MRS2: variants seen among roughly 807,000 people sequenced by gnomAD.
MRS2 encodes magnesium transporter MRS2 homolog, mitochondrial.
A neutral mutation model predicts 52.6 loss-of-function variants in MRS2; 40 were observed. That is an observed-to-expected ratio of 0.76 (90% CI 0.59 to 0.99). The LOEUF is 0.99. Among genes scored for constraint, MRS2 ranks in the 50% least tolerant of loss-of-function variants. The pLI is 0.00. For synonymous variants in MRS2, 193 were observed against 195.9 expected (o/e 0.98, Z 0.13); for missense variants, 472 against 532.7 (o/e 0.89, Z 1.12).
chr6:24,418,361 T>G, intron 8 of MRS2, 100 bp from the exon 9 acceptor site: 2 of 1,533,532 alleles, frequency 1.3e-6, no homozygotes, highest in South Asian at 2.7e-5. Flanking sequence ...TTATTTTTTT[T>G]GTTGTGTAGG....
Position 24,405,258 on chromosome 6 carries a change from C to A in MRS2, c.264+17C>A. ...TTTACTGTGGTGAGTATGTACAGTA[C>A]ATTGGAAATCGTACAGAAAGTGCTT... On this transcript the variant is annotated intron_variant, in intron 2 of 10. Coordinates refer to ENST00000378386, the MANE Select transcript of MRS2 (RefSeq NM_020662.4). 1.3e-6 allele frequency: 2 copies of A among 1,582,934 alleles called. No individual in the cohort carries two copies. Among genetic ancestry groups the A allele is most frequent in the Non-Finnish European group, 8.7e-7 (1 of 1,153,362 alleles).
At position 24,409,472 on chromosome 6, in the gene MRS2, AC is replaced by A. The variant is rs1424791325; in HGVS notation, c.314del (p.Thr105MetfsTer7). ...GNVTSFERKK[T>X]ELYQELGLQA... Reference sequence around the variant, plus strand: ...TATTTCTTTTATAGAAAGGAAGAAAACTGAATTATACCAAGAGTTAGGTCTT... The same window carrying A: ...TATTTCTTTTATAGAAAGGAAGAAAATGAATTATACCAAGAGTTAGGTCTT... On this transcript the variant is annotated frameshift_variant, in exon 4 of 11. Transcript: ENST00000378386. LOFTEE classifies it high-confidence loss of function. 3 of 1,600,986 alleles carry A rather than the reference AC, an allele frequency of 1.9e-6. No individual in the cohort carries two copies. Among genetic ancestry groups the A allele is most frequent in the Non-Finnish European group, 2.6e-6 (3 of 1,171,824 alleles).
chr6:24,410,771 C>CA (rs1472625384), intron 4 of MRS2: 2 of 1,529,004 alleles, frequency 1.3e-6, no homozygotes, highest in African/African-American at 2.7e-5. Context: ...TTCTTCAAAA[C>CA]AGTGTCTCTT....
At chr6:24,403,346 C>T in intron 1 of MRS2, 110 bp downstream of exon 1, 7 of 1,087,070 alleles carry the variant, frequency 6.4e-6, no homozygotes, top group Non-Finnish European at 8.9e-6. Context: ...CCTCCGCAGG[C>T]CTCGGCCTCC....
chr6:24,405,643 G>T (rs1294105618), intron 2 of MRS2, among the ~76,000 whole-genome samples: 1 of 151,946 alleles, frequency 6.6e-6, no homozygotes, highest in African/African-American at 2.4e-5. Flanking sequence ...GGGGGGAAAT[G>T]AATGAATAAG....
At chr6:24,411,545 T>A (rs950403711) in intron 4 of MRS2, among the ~76,000 whole-genome samples, 2 of 151,552 alleles carry the variant, frequency 1.3e-5, no homozygotes, top group African/African-American at 2.4e-5. Flanking sequence ...TTATTTATTT[T>A]TTCCAAAAAA....
intron 5 of MRS2, among the ~76,000 whole-genome samples, 159 bp from the exon 6 acceptor site, chr6:24,414,874 G>C (rs1761794892): frequency 6.6e-6 from 1 of 152,228 alleles, no homozygotes; most frequent in Admixed American, 6.5e-5. Context: ...TCTAGTTTTT[G>C]AATCATCTGG....
At chr6:24,423,387 CATTT>C (rs1762120556) in intron 10 of MRS2, 193 bp from the exon 11 acceptor site, 3 of 495,816 alleles carry the variant, frequency 6.1e-6, no homozygotes, top group South Asian at 3.2e-5. Context: ...ATGTAGGAAA[CATTT>C]ATAACGTTCT....
chr6:24,408,649 A>T (rs1009627302), intron 3 of MRS2, among the ~76,000 whole-genome samples: 7 of 152,214 alleles, frequency 4.6e-5, no homozygotes, highest in Non-Finnish European at 1.5e-5. Context: ...GTTTTCTTCT[A>T]GCAGGAGCCA....
At chr6:24,415,540 A>T (rs1761820576) in intron 6 of MRS2, among the ~76,000 whole-genome samples, 2 of 152,196 alleles carry the variant, frequency 1.3e-5, no homozygotes, top group South Asian at 4.1e-4. Flanking sequence ...TTTAATAACA[A>T]TATTATATAT....
rs1273963952 is a variant in MRS2 at position 24,423,002 on chromosome 6, C to T, written c.1173C>T (p.Arg391=). 2.5e-6 allele frequency: 4 copies of T among 1,613,960 alleles called. No homozygotes were observed. Among genetic ancestry groups the T allele is most frequent in the African/African-American group, 1.3e-5 (1 of 74,896 alleles). ...MFMGSGLIWR[R]LLSFLGRQLE... ...TGGGAAGTGGCCTCATCTGGAGGCG[C>T]CTGCTTTCATTCCTTGGACGACAGC... Residue 391 remains arginine, a synonymous_variant, in exon 10 of 11, where the codon CGC becomes CGT. Transcript: ENST00000378386.
At chr6:24,423,514 T>C (rs1363124002) in intron 10 of MRS2, 70 bp from the exon 11 acceptor site, 2 of 813,400 alleles carry the variant, frequency 2.5e-6, no homozygotes, top group Admixed American at 4.8e-5. Flanking sequence ...AGTAGTTACA[T>C]AATACATCAT....
chr6:24,408,422 A>G lies in MRS2; in HGVS notation c.279A>G (p.Lys93=), dbSNP rs749814624. ...APVFTVTKFD[K]QGNVTSFERK... ...TCTATTTTCAGACAAAATTTGACAAACAGGGAAACGTTACTTCTTTTGGTG... is the reference window on the plus strand; with the variant it reads ...TCTATTTTCAGACAAAATTTGACAAGCAGGGAAACGTTACTTCTTTTGGTG... Residue 93 remains lysine (K), a synonymous_variant, in exon 3 of 11, where the codon AAA becomes AAG. Coordinates refer to ENST00000378386, the MANE Select transcript of MRS2 (RefSeq NM_020662.4). 3 of 1,587,738 alleles carry G rather than the reference A, an allele frequency of 1.9e-6. No individual in the cohort carries two copies. The highest frequency in any genetic ancestry group is 2.6e-6 in the Non-Finnish European group (3 of 1,157,194).
At position 24,416,401 on chromosome 6, in the gene MRS2, T is replaced by C; in HGVS notation, c.724T>C (p.Ser242Pro). ...TTGTGTATCTATTTCTTATAGTCTA[T>C]CAGAGTTAGAAACAGATATTAAAAT... The part of the protein sequence containing the change: ...HILLQNGKSL[S>P]ELETDIKIFK... Residue 242 changes from serine to proline, a missense_variant, in exon 7 of 11, where the codon TCA becomes CCA. Transcript: ENST00000378386. The C allele has an allele frequency of 1.5e-6, 2 of 1,318,490 alleles. No homozygotes were observed. Among genetic ancestry groups the C allele is most frequent in the Admixed American group, 1.7e-5 (1 of 57,536 alleles). 81.7% of individuals were successfully genotyped at this position (1,318,490 alleles called of 1,614,324 possible).
In MRS2 at chr6:24,421,313, T is replaced by C. The variant is rs145351901; in HGVS notation, c.1108-1624T>C. ...GTAATGAGATAAGAGTGGTAGGTGG[T>C]AGTGAGCTACGCTTGCTCAGTAGTA... On this transcript the variant is annotated intron_variant, in intron 9 of 10. Coordinates refer to ENST00000378386, the MANE Select transcript of MRS2 (RefSeq NM_020662.4). Among the ~76,000 whole-genome samples, 16 of 152,352 alleles carry C rather than the reference T, an allele frequency of 1.1e-4. No individual in the cohort carries two copies. The East Asian group carries it at 2.5e-3, about 24-fold the overall frequency.
intron 9 of MRS2, among the ~76,000 whole-genome samples, chr6:24,419,677 TTAAGA>T (rs5874980): frequency 0.27 from 41,602 of 151,818 alleles, 6,383 homozygotes; most frequent in East Asian, 0.6. Context: ...CCTTTCTGTA[TTAAGA>T]TAATACTTAA....
chr6:24,408,508 G>A (rs2127284261), intron 3 of MRS2, 64 bp downstream of exon 3: 1 of 1,141,438 alleles, frequency 8.8e-7, no homozygotes, highest in East Asian at 2.3e-5. Flanking sequence ...TAGAAATCAA[G>A]AAATTGTAGT....
intron 7 of MRS2, 45 bp downstream of exon 7, chr6:24,416,558 T>C (rs566910225): frequency 2.0e-6 from 2 of 1,020,800 alleles, no homozygotes; most frequent in African/African-American, 1.6e-5. Flanking sequence ...TTAGAGTAAA[T>C]CTTTTGCCTT....
rs1373716908 is a variant in MRS2, at chr6:24,403,182, A to T, written c.136A>T (p.Ile46Phe). 1.2e-6 allele frequency: 2 copies of T among 1,606,662 alleles called. No homozygotes were observed. Among genetic ancestry groups the T allele is most frequent in the African/African-American group, 2.7e-5 (2 of 74,870 alleles). ...VAACGRRANL[I>F]GRSRAAQLCG... is the part of the protein sequence containing the mutation. Reference sequence around the variant, plus strand: ...TGCCTGCGGCCGCCGAGCCAACCTGATTGGAAGGAGCCGAGCGGCGCAGCT... The same window carrying T: ...TGCCTGCGGCCGCCGAGCCAACCTGTTTGGAAGGAGCCGAGCGGCGCAGCT... The change falls in exon 1 of 11, where the codon ATT becomes TTT. Residue 46 changes from isoleucine to phenylalanine, a missense_variant. Transcript: ENST00000378386.
Sources: allele counts gnomAD v4.1 joint callset (sites outside exome capture counted in the v4.1 genomes callset), GRCh38; gene constraint gnomAD v4.1.1; transcripts MANE v1.5; gene names NCBI Gene and HGNC (gene_info 2026-07-23, HGNC 2026-07-21).